NAA15: variants seen among roughly 807,000 people sequenced by gnomAD.
The protein encoded by NAA15 is N-alpha-acetyltransferase 15, NatA auxiliary subunit, also known as N-terminal acetyltransferase.
In NAA15, 34 loss-of-function variants were observed where a neutral mutation model predicts 114.0. That is an observed-to-expected ratio of 0.30 (90% CI 0.23 to 0.40). NAA15 has a LOEUF of 0.40. Ranked by LOEUF, NAA15 falls within the 10% of genes least tolerant of loss-of-function variation. The probability of loss-of-function intolerance (pLI) is 1.00; values close to 1 mark genes in which losing one functional copy is unlikely to be tolerated. For synonymous variants in NAA15, 340 were observed against 338.0 expected, an observed-to-expected ratio of 1.01 and a Z score of -0.06; for missense variants, 658 against 1,004.5, an observed-to-expected ratio of 0.66 and a Z score of 4.66.
chr4:139,343,976 C>T (rs192663325), intron 5 of NAA15, among the ~76,000 whole-genome samples: 2 of 152,204 alleles, frequency 1.3e-5, no homozygotes, highest in Admixed American at 1.3e-4. Context: ...TGTGTAAGGA[C>T]TTATGGATTA....
At chr4:139,337,774 AT>A (rs1387593439) in intron 3 of NAA15, among the ~76,000 whole-genome samples, 1 of 152,190 alleles carries the variant, frequency 6.6e-6, no homozygotes, top group Non-Finnish European at 1.5e-5. Context: ...AAGATAACAG[AT>A]TTTGCTCTCA....
chr4:139,347,427 T>A (rs1317281669), intron 6 of NAA15, among the ~76,000 whole-genome samples: 2 of 150,622 alleles, frequency 1.3e-5, no homozygotes, highest in African/African-American at 4.9e-5. Context: ...AGCCTAGGAG[T>A]TCGAGACCAG....
intron 17 of NAA15, among the ~76,000 whole-genome samples, chr4:139,381,034 A>AAC (rs1397282592): frequency 6.6e-6 from 1 of 152,168 alleles, no homozygotes; most frequent in East Asian, 1.9e-4. Flanking sequence ...TATAGAGGAA[A>AAC]ACAGTGCCTC....
At chr4:139,385,223 T>G (rs1240723505) in intron 18 of NAA15, among the ~76,000 whole-genome samples, 1 of 144,440 alleles carries the variant, frequency 6.9e-6, no homozygotes. Context: ...TTGAGGCCAG[T>G]CTGGGCAACA....
chr4:139,306,373 C>T (rs1022575716), intron 1 of NAA15, among the ~76,000 whole-genome samples: 7 of 151,606 alleles, frequency 4.6e-5, no homozygotes, highest in East Asian at 1.9e-4. Flanking sequence ...GGATTACAGG[C>T]GCCTGCCACC....
Position 139,306,645 on chromosome 4 carries a change from TTTAAC to T in NAA15, c.54+4818_54+4822del, listed in dbSNP as rs1432858238. 2.0e-5 allele frequency among the ~76,000 whole-genome samples: 3 copies of T among 152,110 alleles called. 1 individual carries two copies. Among genetic ancestry groups the T allele is most frequent in the Non-Finnish European group, 1.5e-5 (1 of 68,026 alleles). The stretch of plus-strand genomic sequence containing the variant: ...TTTGTTTTGTTTGTAATTACAAACT[TTTAAC>T]TTATTTGGAAAATTAAGTCATTAGA... On this transcript the variant is annotated intron_variant, in intron 1 of 19. Transcript: ENST00000296543.
intron 1 of NAA15, among the ~76,000 whole-genome samples, chr4:139,309,430 TG>T (rs1746140338): frequency 3.6e-5 from 2 of 54,880 alleles, no homozygotes; most frequent in Admixed American, 2.7e-4. Context: ...TTTTTAAGTG[TG>T]TGTGTGTGTG....
chr4:139,384,925 T>C lies in NAA15; in HGVS notation c.2249T>C (p.Phe750Ser). 1 of 1,569,146 alleles carries C rather than the reference T, an allele frequency of 6.4e-7. No homozygotes were observed. Among genetic ancestry groups the C allele is most frequent in the South Asian group, 1.2e-5 (1 of 81,604 alleles). Residue 750 changes from phenylalanine to serine, a missense_variant, in exon 18 of 20, where the codon TTT (phenylalanine) becomes TCT (serine). Physicochemically the swap from Phe to Ser is radical, Grantham distance 155. Around this residue, in one of 6 missense-constraint regions of NAA15, gnomAD observed 275 missense variants for 371.1 expected, o/e 0.74. Transcript: ENST00000296543. ...TTTGGAGCAACGAATCCAAAGAATT[T>C]TAATGAAACTTTTCTGAAAAGGAAT... ...RLFGATNPKN[F>S]NETFLKRNSD...
chr4:139,388,176 A>G lies in NAA15; in HGVS notation c.*92A>G, dbSNP rs1425775728. 2 of 1,011,830 alleles carry G rather than the reference A, an allele frequency of 2.0e-6. No homozygotes were observed. The highest frequency in any genetic ancestry group is 3.2e-5 in the South Asian group (2 of 61,986). The allele number at this position is 1,011,830 out of a possible 1,614,324, so 62.7% of individuals were successfully genotyped here. On this transcript the variant is annotated 3_prime_UTR_variant, in exon 20 of 20. Coordinates refer to ENST00000296543, the MANE Select transcript of NAA15 (RefSeq NM_057175.5). ...CCTGCTGCATTGCTCTAACTTACACAGAATGAGAGGAGTAAATGTTCTTGC... is the reference window on the plus strand; with the variant it reads ...CCTGCTGCATTGCTCTAACTTACACGGAATGAGAGGAGTAAATGTTCTTGC...
chr4:139,337,727 A>C (rs1171840334), intron 3 of NAA15, among the ~76,000 whole-genome samples: 1 of 152,216 alleles, frequency 6.6e-6, no homozygotes, highest in Non-Finnish European at 1.5e-5. Flanking sequence ...AATTTTTCAG[A>C]TGTTTACCAG....
chr4:139,312,862 T>G (rs1041133749), intron 1 of NAA15, among the ~76,000 whole-genome samples: 1 of 151,612 alleles, frequency 6.6e-6, no homozygotes, highest in African/African-American at 2.4e-5. Flanking sequence ...AAAAAAAAAG[T>G]AAAATAAAAA....
intron 1 of NAA15, among the ~76,000 whole-genome samples, chr4:139,318,970 G>A (rs1316555328): frequency 2.6e-5 from 4 of 152,232 alleles, no homozygotes; most frequent in East Asian, 1.9e-4. Flanking sequence ...GTTACAGGGC[G>A]ATAGTTTGGA....
At chr4:139,308,219 C>A (rs1176530133) in intron 1 of NAA15, among the ~76,000 whole-genome samples, 1 of 152,090 alleles carries the variant, frequency 6.6e-6, no homozygotes, top group African/African-American at 2.4e-5. Flanking sequence ...CCTTGGCCTC[C>A]CTAAGTGCTA....
intron 14 of NAA15, among the ~76,000 whole-genome samples, chr4:139,362,764 T>C (rs1449213146): frequency 6.6e-6 from 1 of 152,142 alleles, no homozygotes; most frequent in Non-Finnish European, 1.5e-5. Flanking sequence ...TAGGGAGAAG[T>C]CTTTCTTAGA....
chr4:139,309,177 G>A (rs1260693590), intron 1 of NAA15, among the ~76,000 whole-genome samples: 22 of 150,870 alleles, frequency 1.5e-4, no homozygotes, highest in African/African-American at 4.1e-4. Flanking sequence ...GTGAAACCCC[G>A]TCTTTACTAA....
chr4:139,382,520 T>G (rs571077166), intron 17 of NAA15, among the ~76,000 whole-genome samples: 65 of 152,280 alleles, frequency 4.3e-4, no homozygotes, highest in African/African-American at 1.4e-3. Flanking sequence ...ATGTAAAGTA[T>G]CCTGAAAGCA....
Position 139,354,076 on chromosome 4 carries a change from C to G in NAA15, c.1065C>G (p.Ser355Arg). 1.2e-6 allele frequency: 2 copies of G among 1,613,552 alleles called. No individual in the cohort carries two copies. Among genetic ancestry groups the G allele is most frequent in the Non-Finnish European group, 1.7e-6 (2 of 1,179,692 alleles). The change falls in exon 10 of 20, where the codon AGC (serine) becomes AGG (arginine). Residue 355 changes from serine to arginine, a missense_variant. By Grantham distance (110) the Ser-to-Arg change is moderately radical. Around this residue, in one of 6 missense-constraint regions of NAA15, gnomAD observed 281 missense variants for 389.1 expected, o/e 0.72. Transcript: ENST00000296543. ...LVVGYETSLK[S>R]CRLFNPNDDG... is the part of the protein sequence containing the mutation. ...TAGGTTATGAAACCTCTCTAAAAAG[C>G]TGCCGGTTATTTAACCCCAATGGTA...
intron 1 of NAA15, among the ~76,000 whole-genome samples, chr4:139,305,285 G>A (rs1745972834): frequency 6.6e-6 from 1 of 152,176 alleles, no homozygotes; most frequent in African/African-American, 2.4e-5. Context: ...GAGAAATGTG[G>A]AAGTCACTAA....
At chr4:139,330,120 A>G (rs1386716796) in intron 1 of NAA15, among the ~76,000 whole-genome samples, 1 of 152,218 alleles carries the variant, frequency 6.6e-6, no homozygotes, top group Non-Finnish European at 1.5e-5. Flanking sequence ...ACCTAACTAC[A>G]TTTTTATACA....
Sources: gnomAD v4.1 joint callset for allele counts (sites outside exome capture counted in the v4.1 genomes callset) on GRCh38, gnomAD v4.1.1 for gene constraint, gnomAD v4.1.1 regional missense constraint, MANE v1.5 for transcripts, NCBI Gene and HGNC (gene_info 2026-07-23, HGNC 2026-07-21) for gene names.